SPICE1: variants seen among roughly 807,000 people sequenced by gnomAD.
SPICE1 encodes the protein spindle and centriole-associated protein 1.
Under a neutral mutation model 102.7 loss-of-function variants are expected in SPICE1, and 75 were observed. The observed-to-expected ratio is 0.73, with a 90% CI of 0.61 to 0.88. The LOEUF is 0.88. Among genes scored for constraint, SPICE1 ranks in the 40% least tolerant of loss-of-function variants. SPICE1 has a pLI of 0.00. For missense variants in SPICE1, 979 were observed against 1,020.1 expected (o/e 0.96, Z 0.55); for synonymous variants, 308 against 350.3 (o/e 0.88, Z 1.35).
chr3:113,481,563 C>G (rs952755585), intron 7 of SPICE1, among the ~76,000 whole-genome samples: 1 of 152,072 alleles, frequency 6.6e-6, no homozygotes, highest in Non-Finnish European at 1.5e-5. Flanking sequence ...TATCCCTCCC[C>G]TAGCCCCCCC....
intron 16 of SPICE1, among the ~76,000 whole-genome samples, chr3:113,447,823 T>A (rs1047214384): frequency 3.9e-5 from 6 of 152,214 alleles, no homozygotes; most frequent in African/African-American, 1.4e-4. Context: ...CTCACTTTTG[T>A]TTTCAGTAGC....
At chr3:113,493,054 C>T in intron 6 of SPICE1, 152 bp downstream of exon 6, 1 of 556,104 alleles carries the variant, frequency 1.8e-6, no homozygotes. Context: ...ACAAACATTA[C>T]TCACAGAAAG....
intron 7 of SPICE1, among the ~76,000 whole-genome samples, chr3:113,480,085 T>C (rs997367648): frequency 1.0e-3 from 159 of 152,234 alleles, no homozygotes; most frequent in African/African-American, 3.4e-3. Flanking sequence ...ATAGAGATTA[T>C]TGGCACATCT....
chr3:113,499,239 AAGT>A (rs1295572943), intron 4 of SPICE1, 197 bp downstream of exon 4: 28 of 449,800 alleles, frequency 6.2e-5, no homozygotes, highest in Non-Finnish European at 1.0e-4. Context: ...CACAGCTGGT[AAGT>A]AGTAGAACAG....
chr3:113,468,461 C>G, intron 9 of SPICE1, 57 bp from the exon 10 acceptor site: 4 of 1,546,408 alleles, frequency 2.6e-6, no homozygotes, highest in Non-Finnish European at 3.5e-6. Context: ...GACTAGAAAA[C>G]TACTAGAAAA....
chr3:113,460,293 C>T, intron 12 of SPICE1: 1 of 956,438 alleles, frequency 1.0e-6, no homozygotes. Flanking sequence ...CTGCTACTTT[C>T]TACCTGTATG....
At position 113,499,582 on chromosome 3, in the gene SPICE1, C is replaced by T. The variant is rs752032052; in HGVS notation, c.148G>A (p.Val50Ile). The stretch of plus-strand genomic sequence containing the variant: ...GATTTGTGTATTTCATGACGGCGTA[C>T]CTATACAGAAGAGAAAAGTACATAA... ...TVHRATPEDLVRRHEIHKSKN... is the reference protein window; with the variant it reads ...TVHRATPEDLIRRHEIHKSKN... The change falls in exon 4 of 18, where the codon GTA (valine) becomes ATA (isoleucine). Residue 50 changes from valine to isoleucine, a missense_variant and splice_region_variant. Coordinates refer to ENST00000295872, the MANE Select transcript of SPICE1 (RefSeq NM_144718.4). 6.2e-7 allele frequency: 1 copy of T among 1,601,510 alleles called. No individual in the cohort carries two copies. The highest frequency in any genetic ancestry group is 8.5e-7 in the Non-Finnish European group (1 of 1,175,544).
At chr3:113,456,747 A>G (rs1205877128) in intron 13 of SPICE1, among the ~76,000 whole-genome samples, 1 of 152,230 alleles carries the variant, frequency 6.6e-6, no homozygotes, top group Non-Finnish European at 1.5e-5. Flanking sequence ...CAAGACCCTT[A>G]AAGTCACAGT....
In SPICE1 at chr3:113,460,888, T is replaced by C. The variant is rs572729845; in HGVS notation, c.1288-124A>G. On this transcript the variant is annotated intron_variant, in intron 11 of 17. Coordinates refer to ENST00000295872, the MANE Select transcript of SPICE1 (RefSeq NM_144718.4). The stretch of plus-strand genomic sequence containing the variant: ...ATATCAATACATATCAAAGGATATG[T>C]ATGTATAATATCATCATTTTAAATA... The C allele has an allele frequency of 1.2e-5, 8 of 688,460 alleles. No homozygotes were observed. The South Asian group carries it at 3.1e-4, about 27-fold the overall frequency. 42.6% of individuals were successfully genotyped at this position (688,460 alleles called of 1,614,324 possible). A position where few individuals can be genotyped will look rare whatever the true frequency, so the allele number is the denominator to read the frequency against.
chr3:113,476,386 TC>T (rs1230141762), intron 7 of SPICE1, among the ~76,000 whole-genome samples: 1 of 151,072 alleles, frequency 6.6e-6, no homozygotes, highest in African/African-American at 2.5e-5. Flanking sequence ...TTCAATGCCA[TC>T]CCCATCAAGC....
intron 3 of SPICE1, among the ~76,000 whole-genome samples, chr3:113,499,806 T>C (rs773210986): frequency 5.3e-5 from 8 of 152,182 alleles, no homozygotes; most frequent in Non-Finnish European, 1.2e-4. Flanking sequence ...CTAAAAGATG[T>C]ACAGAAAGAA....
intron 7 of SPICE1, among the ~76,000 whole-genome samples, chr3:113,472,453 G>A (rs1357497907): frequency 6.6e-6 from 1 of 152,238 alleles, no homozygotes; most frequent in East Asian, 1.9e-4. Context: ...GCACGCAGCT[G>A]GAGATCTGAG....
At position 113,497,796 on chromosome 3, in the gene SPICE1, G is replaced by A. The variant is rs557388013; in HGVS notation, c.291+1643C>T. The stretch of plus-strand genomic sequence containing the variant: ...GCACAATCTCAGCTCACTGCAACCC[G>A]GATTCAAGCGATTCTCCTGCCTCAG... On this transcript the variant is annotated intron_variant, in intron 4 of 17. Coordinates refer to ENST00000295872, the MANE Select transcript of SPICE1 (RefSeq NM_144718.4). 9.2e-5 allele frequency among the ~76,000 whole-genome samples: 13 copies of A among 141,354 alleles called. No individual in the cohort carries two copies. In the South Asian group the frequency reaches 1.6e-3, roughly 18 times the overall value. The allele number at this position is 141,354 out of a possible 152,430, so 92.7% of individuals were successfully genotyped here.
At chr3:113,483,040 T>A (rs916336323) in intron 7 of SPICE1, among the ~76,000 whole-genome samples, 1 of 152,232 alleles carries the variant, frequency 6.6e-6, no homozygotes, top group African/African-American at 2.4e-5. Flanking sequence ...TCCATGAGCA[T>A]GGAATGTTTT....
intron 7 of SPICE1, among the ~76,000 whole-genome samples, chr3:113,488,703 T>C (rs1167926096): frequency 6.6e-6 from 1 of 152,190 alleles, no homozygotes; most frequent in African/African-American, 2.4e-5. Flanking sequence ...TGTGTGTGCA[T>C]ACTCAGAAAG....
At chr3:113,462,275 CA>C (rs1248758224) in intron 11 of SPICE1, among the ~76,000 whole-genome samples, 4 of 152,174 alleles carry the variant, frequency 2.6e-5, no homozygotes, top group Non-Finnish European at 4.4e-5. Context: ...ATACTGTTCC[CA>C]AACTGTTTGC....
intron 5 of SPICE1, 43 bp downstream of exon 5, chr3:113,494,006 C>A: frequency 7.5e-7 from 1 of 1,330,602 alleles, no homozygotes; most frequent in Non-Finnish European, 1.1e-6. Flanking sequence ...CAACTGTGGG[C>A]TACAGTTAAT....
At chr3:113,495,186 C>T (rs990022010) in intron 4 of SPICE1, among the ~76,000 whole-genome samples, 5 of 152,128 alleles carry the variant, frequency 3.3e-5, no homozygotes, top group African/African-American at 9.7e-5. Flanking sequence ...GAGTAAAAGC[C>T]AGATAATTCT....
At chr3:113,457,079 AT>A in intron 13 of SPICE1, 56 bp downstream of exon 13, 1 of 1,514,010 alleles carries the variant, frequency 6.6e-7, no homozygotes, top group Non-Finnish European at 9.1e-7. Flanking sequence ...AAAGTAATAC[AT>A]TGCACAAATG....
Sources: allele counts gnomAD v4.1 joint callset (sites outside exome capture counted in the v4.1 genomes callset), GRCh38; gene constraint gnomAD v4.1.1; transcripts MANE v1.5; gene names NCBI Gene and HGNC (gene_info 2026-07-23, HGNC 2026-07-21).